The following ANKFN1 variants were observed in gnomAD, a reference collection of about 807,000 sequenced individuals.
The protein encoded by ANKFN1 is ankyrin repeat and fibronectin type-III domain-containing protein 1.
A neutral mutation model predicts 108.7 loss-of-function variants in ANKFN1; 74 were observed. The observed-to-expected ratio is 0.68, with a 90% confidence interval of 0.56 to 0.83. ANKFN1 has a LOEUF of 0.83. Ranked by LOEUF, ANKFN1 falls within the 40% of genes least tolerant of loss-of-function variation. The probability of loss-of-function intolerance (pLI) is 0.00; values close to 1 mark genes in which losing one functional copy is unlikely to be tolerated. For missense variants in ANKFN1, 1,505 were observed against 1,382.3 expected, an observed-to-expected ratio of 1.09 and a Z score of -1.41; for synonymous variants, 547 against 516.2, an observed-to-expected ratio of 1.06 and a Z score of -0.81.
chr17:56,390,321 G>A (rs908448676), intron 8 of ANKFN1, among the ~76,000 whole-genome samples: 1 of 152,070 alleles, frequency 6.6e-6, no homozygotes, highest in Non-Finnish European at 1.5e-5. Flanking sequence ...TCCTGTGATA[G>A]TTTGCTGAGA....
At position 56,386,580 on chromosome 17, in the gene ANKFN1, G is replaced by GT. The variant is rs57390170; in HGVS notation, c.910+11885dup. On this transcript the variant is annotated intron_variant, in intron 8 of 20. Coordinates refer to ENST00000682825, the MANE Select transcript of ANKFN1 (RefSeq NM_001370326.1). ...CAATAGATTATCTTGCATCTCATGA[G>GT]TTTTTTTTTTTTTTTTTTTGCATAT... is the stretch of plus-strand genomic sequence containing the variant. 3.7e-3 allele frequency among the ~76,000 whole-genome samples: 403 copies of GT among 109,940 alleles called. 2 individuals are homozygous for GT. Among genetic ancestry groups the GT allele is most frequent in the Middle Eastern group, 9.3e-3 (2 of 214 alleles). The allele number at this position is 109,940 out of a possible 152,430, so 72.1% of individuals were successfully genotyped here.
intron 4 of ANKFN1, among the ~76,000 whole-genome samples, chr17:56,055,397 C>A (rs1176405654): frequency 1.3e-5 from 2 of 150,178 alleles, no homozygotes; most frequent in Admixed American, 1.3e-4. Context: ...CTGCAAAGGA[C>A]ATGATTTCAT....
At chr17:56,366,297 A>G (rs946286133) in intron 6 of ANKFN1, among the ~76,000 whole-genome samples, 2 of 152,248 alleles carry the variant, frequency 1.3e-5, no homozygotes, top group Non-Finnish European at 2.9e-5. Flanking sequence ...TATCAAGCAA[A>G]AGAGTTACAA....
intron 3 of ANKFN1, among the ~76,000 whole-genome samples, chr17:56,324,254 A>G (rs2045454004): frequency 6.6e-6 from 1 of 152,214 alleles, no homozygotes; most frequent in South Asian, 2.1e-4. Context: ...TACTTCATCA[A>G]TAGGCTCTAA....
chr17:56,391,212 C>CAT (rs202114506), intron 8 of ANKFN1, among the ~76,000 whole-genome samples: 2,111 of 120,850 alleles, frequency 0.017, 26 homozygotes, highest in African/African-American at 0.04. Flanking sequence ...CCCAAGAATA[C>CAT]ATATATATAT....
At chr17:56,105,807 A>G (rs555047661) in intron 4 of ANKFN1, among the ~76,000 whole-genome samples, 42 of 151,310 alleles carry the variant, frequency 2.8e-4, no homozygotes, top group Non-Finnish European at 4.9e-4. Flanking sequence ...GCCTTAGATC[A>G]GTGGTTCTCA....
intron 4 of ANKFN1, among the ~76,000 whole-genome samples, chr17:56,341,281 T>G (rs1186159659): frequency 6.6e-6 from 1 of 152,136 alleles, no homozygotes; most frequent in Non-Finnish European, 1.5e-5. Flanking sequence ...CTCTTCCTAT[T>G]TGAATGCCCT....
intron 8 of ANKFN1, among the ~76,000 whole-genome samples, chr17:56,380,913 T>C (rs960544599): frequency 6.6e-6 from 1 of 152,220 alleles, no homozygotes; most frequent in Non-Finnish European, 1.5e-5. Flanking sequence ...TGTCCCTGTC[T>C]GACAGCTTTG....
At chr17:56,372,539 A>ATT in intron 6 of ANKFN1, 107 bp from the exon 7 acceptor site, 118 of 786,148 alleles carry the variant, frequency 1.5e-4, no homozygotes, top group South Asian at 2.6e-4. Flanking sequence ...TTTCCCAGGC[A>ATT]TTTTTTTTTT....
intron 15 of ANKFN1, among the ~76,000 whole-genome samples, chr17:56,467,850 GAAA>G (rs56007643): frequency 4.2e-5 from 1 of 23,772 alleles, no homozygotes; most frequent in Non-Finnish European, 9.8e-5. Flanking sequence ...AAGAAAGAAA[GAAA>G]AAGGGAAAGA....
chr17:56,153,335 C>G, upstream of ANKFN1: 1 of 696,864 alleles, frequency 1.4e-6, no homozygotes, highest in Non-Finnish European at 2.5e-6. Context: ...CCTCTTGACC[C>G]TGCACTGTAA....
intron 4 of ANKFN1, among the ~76,000 whole-genome samples, chr17:56,142,030 C>A (rs1968155): frequency 0.57 from 85,091 of 150,278 alleles, 24,373 homozygotes; most frequent in East Asian, 0.81. Context: ...TCCCAGGTTC[C>A]AGTGATTCTC....
chr17:56,280,140 T>G (rs1014638319), intron 3 of ANKFN1, among the ~76,000 whole-genome samples: 1 of 151,782 alleles, frequency 6.6e-6, no homozygotes, highest in African/African-American at 2.4e-5. Flanking sequence ...CTCCCGAGTA[T>G]CTGGGACTAC....
At chr17:56,171,814 A>T (rs1017930863) in intron 1 of ANKFN1, among the ~76,000 whole-genome samples, 1 of 152,178 alleles carries the variant, frequency 6.6e-6, no homozygotes, top group Admixed American at 6.5e-5. Context: ...TTGCAATGCA[A>T]ACTCTACCCA....
At chr17:56,472,726 A>T (rs2050362636) in intron 15 of ANKFN1, 1 of 152,248 alleles carries the variant, frequency 6.6e-6, no homozygotes, top group Admixed American at 6.5e-5. Flanking sequence ...CCAGAGCCTG[A>T]TAGCAGTACA....
chr17:56,368,720 GT>G (rs1319944402), intron 6 of ANKFN1, among the ~76,000 whole-genome samples: 1 of 152,046 alleles, frequency 6.6e-6, no homozygotes, highest in East Asian at 1.9e-4. Flanking sequence ...TTGAAAAAAG[GT>G]TGTGTAGCTG....
At chr17:56,080,446 T>C (rs970868993) in intron 4 of ANKFN1, among the ~76,000 whole-genome samples, 4 of 152,232 alleles carry the variant, frequency 2.6e-5, no homozygotes, top group Non-Finnish European at 5.9e-5. Flanking sequence ...AGGAATATTA[T>C]TCAGCCACTA....
chr17:56,108,035 G>A (rs1404250696), intron 4 of ANKFN1, among the ~76,000 whole-genome samples: 1 of 150,844 alleles, frequency 6.6e-6, no homozygotes, highest in Non-Finnish European at 1.5e-5. Flanking sequence ...CTAATTTTTT[G>A]GTTTTGTTTT....
Position 56,330,322 on chromosome 17 carries a change from A to T in ANKFN1, c.188+3967A>T, listed in dbSNP as rs533743516. ...CACTTGTGCAGGGGAACTCCCATTT[A>T]AAAAATCATCAGAACTCATGAGATT... On this transcript the variant is annotated intron_variant, in intron 4 of 20. Transcript: ENST00000682825. Among the ~76,000 whole-genome samples the T allele has an allele frequency of 1.5e-4, 22 of 150,646 alleles. No homozygotes were observed. The South Asian group carries it at 4.0e-3, about 27-fold the overall frequency.
Sources: gnomAD v4.1 joint callset for allele counts (sites outside exome capture counted in the v4.1 genomes callset) on GRCh38, gnomAD v4.1.1 for gene constraint, MANE v1.5 for transcripts, NCBI Gene and HGNC (gene_info 2026-07-23, HGNC 2026-07-21) for gene names.